CATSPERT: variants seen among roughly 807,000 people sequenced by gnomAD.
CATSPERT encodes the protein catsper channel auxiliary subunit tau, also known as cation channel sperm-associated targeting subunit tau.
At chr2:201,566,605 T>C in the CATSPERT span, among the ~76,000 whole-genome samples, 6 of 151,828 alleles carry the variant, frequency 4.0e-5, no homozygotes, top group South Asian at 2.1e-4. Flanking sequence ...CAGTCTATCA[T>C]TGATGGACAT....
the CATSPERT span, among the ~76,000 whole-genome samples, chr2:201,543,668 T>C: frequency 8.5e-5 from 13 of 152,162 alleles, no homozygotes; most frequent in African/African-American, 2.9e-4. Context: ...TGTTAGTGTA[T>C]AGAAACAAAA....
At chr2:201,588,833 A>G in the CATSPERT span, among the ~76,000 whole-genome samples, 1 of 152,158 alleles carries the variant, frequency 6.6e-6, no homozygotes, top group African/African-American at 2.4e-5. Context: ...CCGTTTGCAG[A>G]TGACATAATC....
At chr2:201,590,644 CTTG>C in the CATSPERT span, among the ~76,000 whole-genome samples, 1 of 152,120 alleles carries the variant, frequency 6.6e-6, no homozygotes, top group Non-Finnish European at 1.5e-5. Flanking sequence ...CTCTCCAGCA[CTTG>C]TTGTTTCCTG....
the CATSPERT span, chr2:201,495,861 T>C: frequency 2.9e-6 from 4 of 1,386,388 alleles, no homozygotes; most frequent in African/African-American, 1.5e-5. Context: ...TAATTAAGTA[T>C]AATGATACTG....
At chr2:201,526,577 A>G in the CATSPERT span, among the ~76,000 whole-genome samples, 1 of 152,176 alleles carries the variant, frequency 6.6e-6, no homozygotes, top group Non-Finnish European at 1.5e-5. Context: ...ATCTACCATG[A>G]TCAAGTAGGC....
the CATSPERT span, among the ~76,000 whole-genome samples, chr2:201,572,584 C>T: frequency 2.6e-5 from 4 of 152,108 alleles, no homozygotes; most frequent in Non-Finnish European, 5.9e-5. Context: ...AATATCTCTC[C>T]TTAAAAATGG....
the CATSPERT span, among the ~76,000 whole-genome samples, chr2:201,570,991 T>C: frequency 6.6e-6 from 1 of 152,186 alleles, no homozygotes; most frequent in Non-Finnish European, 1.5e-5. Context: ...GTTTGGCTCT[T>C]GAAGGGCTTT....
the CATSPERT span, among the ~76,000 whole-genome samples, chr2:201,541,531 T>TTATATATATATA: frequency 7.7e-4 from 71 of 92,706 alleles, no homozygotes; most frequent in Non-Finnish European, 1.1e-3. Flanking sequence ...TCAGATGATT[T>TTATATATATATA]TATATATATA....
chr2:201,487,422 GTGTT>G, the CATSPERT span: 3 of 591,092 alleles, frequency 5.1e-6, no homozygotes, highest in African/African-American at 3.7e-5. Flanking sequence ...TACATCAAAT[GTGTT>G]TGTTTTTCAT....
chr2:201,580,915 A>C, the CATSPERT span, among the ~76,000 whole-genome samples: 11,251 of 152,212 alleles, frequency 0.074, 630 homozygotes, highest in African/African-American at 0.15. Flanking sequence ...GGAAGTCTGT[A>C]AGCAGCCCAG....
chr2:201,502,358 G>C, the CATSPERT span, among the ~76,000 whole-genome samples: 4 of 152,054 alleles, frequency 2.6e-5, no homozygotes, highest in Non-Finnish European at 5.9e-5. Flanking sequence ...AGGATCACGA[G>C]GTCAGGAGTT....
chr2:201,583,485 C>T, the CATSPERT span, among the ~76,000 whole-genome samples: 2 of 152,128 alleles, frequency 1.3e-5, no homozygotes, highest in African/African-American at 4.8e-5. Flanking sequence ...TAAAAAATTT[C>T]GAGCCAGATA....
At chr2:201,512,090 A>G in the CATSPERT span, among the ~76,000 whole-genome samples, 2 of 152,124 alleles carry the variant, frequency 1.3e-5, no homozygotes, top group East Asian at 3.9e-4. Context: ...TGGGTTACAA[A>G]CCCAATTTAT....
the CATSPERT span, chr2:201,565,916 T>G: frequency 6.6e-7 from 1 of 1,520,090 alleles, no homozygotes; most frequent in Non-Finnish European, 8.9e-7. Flanking sequence ...TATACAAAAG[T>G]CCACTTCCAA....
the CATSPERT span, among the ~76,000 whole-genome samples, chr2:201,561,554 AT>A: frequency 6.6e-6 from 1 of 152,158 alleles, no homozygotes; most frequent in Non-Finnish European, 1.5e-5. Flanking sequence ...ATGGATTATT[AT>A]TTTGGATCAA....
the CATSPERT span, among the ~76,000 whole-genome samples, chr2:201,596,608 G>C: frequency 6.6e-6 from 1 of 152,096 alleles, no homozygotes; most frequent in African/African-American, 2.4e-5. Context: ...CTTCCTCTGG[G>C]ACTCAACTAT....
chr2:201,600,783 G>A, the CATSPERT span, among the ~76,000 whole-genome samples: 1 of 150,296 alleles, frequency 6.7e-6, no homozygotes, highest in Admixed American at 6.6e-5. Flanking sequence ...ACAGAGTCCA[G>A]CTTTGTTGCC....
the CATSPERT span, chr2:201,493,979 A>G: frequency 6.5e-7 from 1 of 1,536,826 alleles, no homozygotes; most frequent in Non-Finnish European, 8.7e-7. Flanking sequence ...GAAAGTGAAT[A>G]TTCAGGAATA....
chr2:201,604,542 C>T, the CATSPERT span: 1 of 981,418 alleles, frequency 1.0e-6, no homozygotes, highest in South Asian at 1.9e-5. Flanking sequence ...GAACCATTTT[C>T]TGCATATACT....
Sources: gnomAD v4.1 joint callset for allele counts (sites outside exome capture counted in the v4.1 genomes callset) on GRCh38, gnomAD v4.1.1 for gene constraint, MANE v1.5 for transcripts, NCBI Gene and HGNC (gene_info 2026-07-23, HGNC 2026-07-21) for gene names.